CCDC80: variants seen among roughly 807,000 people sequenced by gnomAD.
CCDC80 encodes the protein coiled-coil domain containing 80.
Under a neutral mutation model 78.7 loss-of-function variants are expected in CCDC80, and 49 were observed. The observed-to-expected ratio is 0.62, with a 90% CI of 0.50 to 0.79. The LOEUF (loss-of-function observed/expected upper bound fraction) is 0.79, where lower values mean the gene tolerates loss of function less well. Among genes scored for constraint, CCDC80 ranks in the 30% least tolerant of loss-of-function variants. The pLI is 0.00. For synonymous variants in CCDC80, 488 were observed against 447.0 expected, an observed-to-expected ratio of 1.09 and a Z score of -1.16; for missense variants, 1,205 against 1,198.6, an observed-to-expected ratio of 1.01 and a Z score of -0.08.
intron 2 of CCDC80, among the ~76,000 whole-genome samples, chr3:112,634,194 A>G (rs571879990): frequency 2.0e-5 from 3 of 152,156 alleles, no homozygotes; most frequent in Admixed American, 2.0e-4. Flanking sequence ...CTGCCTTAGT[A>G]CAGCAGGAAA....
intron 3 of CCDC80, among the ~76,000 whole-genome samples, chr3:112,629,554 G>A (rs73214204): frequency 0.01 from 1,565 of 152,300 alleles, 9 homozygotes; most frequent in Non-Finnish European, 0.016. Context: ...GTAAAATTGC[G>A]AAAACTCTAA....
intron 2 of CCDC80, among the ~76,000 whole-genome samples, chr3:112,637,688 A>G (rs911506876): frequency 6.6e-6 from 1 of 152,196 alleles, no homozygotes; most frequent in African/African-American, 2.4e-5. Flanking sequence ...CTTTGTCCAG[A>G]AATATCCCTT....
In CCDC80 at chr3:112,604,999, CTTTG is replaced by C. The variant is rs987310777; in HGVS notation, c.*414_*417del. ...AAGTAAGTATTATAAGTTATTTGTT[CTTTG>C]TTTTATCTTTTCAGATGTTTCTTGA... is the stretch of plus-strand genomic sequence containing the variant. On this transcript the variant is annotated 3_prime_UTR_variant, in exon 8 of 8. Transcript: ENST00000206423. 2 of 153,932 alleles carry C rather than the reference CTTTG, an allele frequency of 1.3e-5. No individual in the cohort carries two copies. The highest frequency in any genetic ancestry group is 4.8e-5 in the African/African-American group (2 of 41,470). The allele number at this position is 153,932 out of a possible 1,614,324, so 9.5% of individuals were successfully genotyped here.
chr3:112,629,282 T>C (rs1274546921), intron 3 of CCDC80, among the ~76,000 whole-genome samples: 1 of 149,410 alleles, frequency 6.7e-6, no homozygotes, highest in Admixed American at 6.7e-5. Context: ...ACTCTAAGGT[T>C]TTTTTTTTTT....
intron 3 of CCDC80, among the ~76,000 whole-genome samples, chr3:112,629,055 A>C (rs1319896035): frequency 6.6e-6 from 1 of 152,220 alleles, no homozygotes; most frequent in Admixed American, 6.5e-5. Flanking sequence ...AGTTGACATT[A>C]TCGTGACATA....
At chr3:112,632,910 G>C (rs1460784144) in intron 2 of CCDC80, among the ~76,000 whole-genome samples, 1 of 152,094 alleles carries the variant, frequency 6.6e-6, no homozygotes, top group East Asian at 1.9e-4. Flanking sequence ...ACCCCCTAGA[G>C]CCAGACCCAG....
intron 2 of CCDC80, among the ~76,000 whole-genome samples, chr3:112,632,727 A>T (rs1417406301): frequency 6.6e-6 from 1 of 152,166 alleles, no homozygotes; most frequent in African/African-American, 2.4e-5. Flanking sequence ...TAAATAAATA[A>T]GTGCCTCTGA....
intron 2 of CCDC80, among the ~76,000 whole-genome samples, chr3:112,632,635 A>G (rs1003382226): frequency 1.3e-5 from 2 of 152,132 alleles, no homozygotes; most frequent in African/African-American, 4.8e-5. Context: ...ACAGAACCTT[A>G]TCCTCCCCTG....
intron 3 of CCDC80, among the ~76,000 whole-genome samples, chr3:112,623,044 C>T (rs1001369848): frequency 6.6e-6 from 1 of 152,070 alleles, no homozygotes; most frequent in South Asian, 2.1e-4. Flanking sequence ...TGAAATGCTT[C>T]ATAGATTCAA....
rs764507397 is a variant in CCDC80, at chr3:112,639,081, C to G, written c.825G>C (p.Lys275Asn). The G allele has an allele frequency of 1.2e-6, 2 of 1,613,624 alleles. No individual in the cohort carries two copies. Among genetic ancestry groups the G allele is most frequent in the South Asian group, 2.2e-5 (2 of 91,078 alleles). Residue 275 changes from lysine (K) to asparagine (N), a missense_variant, in exon 2 of 8, where the codon AAG becomes AAC. Coordinates refer to ENST00000206423, the MANE Select transcript of CCDC80 (RefSeq NM_199511.3). ...AGGCCTTACATTTCTGGACAAAGCCCTTCTGCCTGATCTTCTCGATCCTAC... is the reference window on the plus strand; with the variant it reads ...AGGCCTTACATTTCTGGACAAAGCCGTTCTGCCTGATCTTCTCGATCCTAC... ...PIRRIEKIRQ[K>N]GFVQKCKASG...
intron 3 of CCDC80, among the ~76,000 whole-genome samples, chr3:112,625,583 G>T (rs1191594274): frequency 6.6e-6 from 1 of 152,108 alleles, no homozygotes; most frequent in East Asian, 1.9e-4. Flanking sequence ...GGGGAAGATT[G>T]CTATATACTC....
chr3:112,633,584 A>G (rs1936143372), intron 2 of CCDC80, among the ~76,000 whole-genome samples: 1 of 152,144 alleles, frequency 6.6e-6, no homozygotes, highest in Non-Finnish European at 1.5e-5. Flanking sequence ...CCCTAGTCAG[A>G]GGAGAGGAGA....
chr3:112,606,432 TG>T (rs1479038087), intron 7 of CCDC80, among the ~76,000 whole-genome samples: 1 of 147,300 alleles, frequency 6.8e-6, no homozygotes, highest in Non-Finnish European at 1.5e-5. Flanking sequence ...TGTTTTGTTT[TG>T]TTTTGTTTTT....
intron 6 of CCDC80, among the ~76,000 whole-genome samples, 196 bp downstream of exon 6, chr3:112,609,781 GA>G (rs146917711): frequency 2.7e-5 from 4 of 150,552 alleles, no homozygotes; most frequent in East Asian, 1.9e-4. Context: ...AATATTGAGG[GA>G]AAAAAAAATC....
chr3:112,627,228 C>T (rs541298220), intron 3 of CCDC80, among the ~76,000 whole-genome samples: 11 of 152,284 alleles, frequency 7.2e-5, no homozygotes, highest in African/African-American at 2.6e-4. Flanking sequence ...AACATACACA[C>T]CCAACATTCC....
At position 112,616,709 on chromosome 3, in the gene CCDC80, C is replaced by G. The variant is rs1370346916; in HGVS notation, c.2321+1G>C. Reference sequence around the variant, plus strand: ...CTTTAGCGACTCCAAAGGTGATGTACCTGGATAGGAAGTTCTCCAGGGACT... The same window carrying G: ...CTTTAGCGACTCCAAAGGTGATGTAGCTGGATAGGAAGTTCTCCAGGGACT... On this transcript the variant is annotated splice_donor_variant, in intron 5 of 7. Coordinates refer to ENST00000206423, the MANE Select transcript of CCDC80 (RefSeq NM_199511.3). LOFTEE classifies it high-confidence loss of function. 6.2e-7 allele frequency: 1 copy of G among 1,613,884 alleles called. No individual in the cohort carries two copies. Among genetic ancestry groups the G allele is most frequent in the Non-Finnish European group, 8.5e-7 (1 of 1,179,946 alleles).
chr3:112,607,629 A>G (rs1935541868), intron 6 of CCDC80, among the ~76,000 whole-genome samples: 1 of 151,924 alleles, frequency 6.6e-6, no homozygotes, highest in Non-Finnish European at 1.5e-5. Flanking sequence ...TACTAACAAT[A>G]AAAAAAATCA....
intron 3 of CCDC80, among the ~76,000 whole-genome samples, chr3:112,623,226 A>C (rs1935903030): frequency 1.3e-5 from 2 of 152,138 alleles, no homozygotes; most frequent in African/African-American, 4.8e-5. Context: ...GGTGGTACTA[A>C]ATTTTTTCAT....
In CCDC80 at chr3:112,605,645, G is replaced by A; in HGVS notation, c.2625C>T (p.Val875=). ...SMLLVGKDGN[V]KSWYPSPMWS... is the part of the protein sequence containing the mutation. ...ACATTGGGGAAGGATACCAGGATTT[G>A]ACATTTCCGTCTTTTCCGACTAGAA... Residue 875 remains valine (V), a synonymous_variant, in exon 8 of 8, where the codon GTC becomes GTT. Transcript: ENST00000206423. The A allele has an allele frequency of 6.2e-7, 1 of 1,614,210 alleles. No homozygotes were observed. Among genetic ancestry groups the A allele is most frequent in the Non-Finnish European group, 8.5e-7 (1 of 1,180,024 alleles).
Sources: allele counts gnomAD v4.1 joint callset (sites outside exome capture counted in the v4.1 genomes callset), GRCh38; gene constraint gnomAD v4.1.1; transcripts MANE v1.5; gene names NCBI Gene and HGNC (gene_info 2026-07-23, HGNC 2026-07-21).